The following MYO10 variants were observed in gnomAD, a reference collection of about 807,000 sequenced individuals.
MYO10 encodes myosin X.
A neutral mutation model predicts 257.3 loss-of-function variants in MYO10; 133 were observed. The ratio of observed to expected loss-of-function variants is 0.52; its 90% confidence interval spans 0.45 to 0.60. The LOEUF is 0.60. MYO10 is among the 20% of genes least tolerant of loss of function. The pLI, the probability that MYO10 is intolerant of heterozygous loss-of-function variation, is 0.00. For synonymous variants in MYO10, 1,104 were observed against 1,028.6 expected (o/e 1.07, Z -1.40); for missense variants, 2,399 against 2,635.7 (o/e 0.91, Z 1.97).
intron 22 of MYO10, among the ~76,000 whole-genome samples, chr5:16,704,106 A>G (rs866065439): frequency 5.1e-4 from 78 of 151,974 alleles, no homozygotes; most frequent in African/African-American, 1.8e-3. Context: ...GGATCCCATG[A>G]GCCCAGGAGT....
intron 1 of MYO10, among the ~76,000 whole-genome samples, chr5:16,888,570 GAAC>G (rs1315776582): frequency 6.6e-6 from 1 of 151,384 alleles, no homozygotes; most frequent in Non-Finnish European, 1.5e-5. Context: ...ACTCCAGCCT[GAAC>G]AACAAGAGCG....
At chr5:16,898,994 G>A (rs924023486) in intron 1 of MYO10, among the ~76,000 whole-genome samples, 1 of 145,070 alleles carries the variant, frequency 6.9e-6, no homozygotes, top group Non-Finnish European at 1.5e-5. Flanking sequence ...AATTAGCTGG[G>A]CATGGCGGTG....
chr5:16,793,237 A>G (rs1366742461), intron 4 of MYO10, among the ~76,000 whole-genome samples: 1 of 152,238 alleles, frequency 6.6e-6, no homozygotes, highest in Non-Finnish European at 1.5e-5. Flanking sequence ...CACAGGTCCA[A>G]TAGAAATAAT....
chr5:16,892,531 T>C (rs1745088142), intron 1 of MYO10, among the ~76,000 whole-genome samples: 1 of 152,128 alleles, frequency 6.6e-6, no homozygotes, highest in Non-Finnish European at 1.5e-5. Flanking sequence ...TAGTCCAAGC[T>C]ACTTGGAAGG....
At chr5:16,718,403 C>T (rs566171995) in intron 19 of MYO10, among the ~76,000 whole-genome samples, 1 of 152,380 alleles carries the variant, frequency 6.6e-6, no homozygotes, top group East Asian at 1.9e-4. Context: ...CTAGGTGAAG[C>T]CAGCTGGGCT....
At chr5:16,890,112 T>C (rs1201404514) in intron 1 of MYO10, among the ~76,000 whole-genome samples, 2 of 151,920 alleles carry the variant, frequency 1.3e-5, no homozygotes, top group Non-Finnish European at 2.9e-5. Context: ...GTTTCATACA[T>C]ATTAATTAAT....
chr5:16,699,159 G>A (rs1737907146), intron 26 of MYO10, among the ~76,000 whole-genome samples: 1 of 152,138 alleles, frequency 6.6e-6, no homozygotes, highest in Non-Finnish European at 1.5e-5. Flanking sequence ...ACTGGAGGCA[G>A]TGGTTGCAAA....
intron 2 of MYO10, among the ~76,000 whole-genome samples, chr5:16,826,518 C>T (rs1743005515): frequency 6.6e-6 from 1 of 152,138 alleles, no homozygotes; most frequent in African/African-American, 2.4e-5. Context: ...TCAGGGAGTG[C>T]GGCAGGAGGA....
At chr5:16,853,139 G>A (rs1296105311) in intron 2 of MYO10, among the ~76,000 whole-genome samples, 3 of 152,292 alleles carry the variant, frequency 2.0e-5, no homozygotes, top group Admixed American at 2.0e-4. Flanking sequence ...GGGAGGCTGA[G>A]GTGGGCGGAT....
At chr5:16,776,024 T>A (rs1741200519) in intron 9 of MYO10, among the ~76,000 whole-genome samples, 1 of 152,002 alleles carries the variant, frequency 6.6e-6, no homozygotes, top group African/African-American at 2.4e-5. Flanking sequence ...GCCTCCCAAG[T>A]AGCTGGGTTT....
At chr5:16,863,937 A>G (rs1744173655) in intron 2 of MYO10, among the ~76,000 whole-genome samples, 1 of 152,124 alleles carries the variant, frequency 6.6e-6, no homozygotes, top group Admixed American at 6.6e-5. Context: ...ATCACTACAA[A>G]ATATACAAAA....
intron 1 of MYO10, among the ~76,000 whole-genome samples, chr5:16,878,783 AG>A (rs1410200297): frequency 1.3e-5 from 2 of 152,178 alleles, no homozygotes; most frequent in Non-Finnish European, 2.9e-5. Context: ...CTAAGCTATG[AG>A]GATGCAAAGG....
At chr5:16,686,483 A>G (rs1185495186) in intron 28 of MYO10, among the ~76,000 whole-genome samples, 1 of 152,122 alleles carries the variant, frequency 6.6e-6, no homozygotes, top group Non-Finnish European at 1.5e-5. Flanking sequence ...CATTTTGGGT[A>G]AGGGATACTC....
intron 4 of MYO10, among the ~76,000 whole-genome samples, chr5:16,791,185 G>A (rs1296590843): frequency 1.3e-5 from 2 of 152,198 alleles, no homozygotes; most frequent in East Asian, 1.9e-4. Context: ...TCAAGCATGA[G>A]AATGTTTTTA....
intron 9 of MYO10, among the ~76,000 whole-genome samples, chr5:16,771,160 T>C (rs943405744): frequency 6.6e-6 from 1 of 152,296 alleles, no homozygotes; most frequent in East Asian, 1.9e-4. Context: ...CACTGACATA[T>C]ACATGAGCGA....
intron 25 of MYO10, chr5:16,699,784 CTCA>C: frequency 1.1e-5 from 1 of 90,330 alleles, no homozygotes; most frequent in Non-Finnish European, 1.8e-5. Context: ...AAGCCTCAGT[CTCA>C]AAAAAAAAAA....
intron 3 of MYO10, chr5:16,814,460 T>A (rs1335419361): frequency 6.6e-6 from 1 of 152,244 alleles, no homozygotes; most frequent in Non-Finnish European, 1.5e-5. Flanking sequence ...TTTGTTTTTT[T>A]AAGTTGGTAC....
At chr5:16,837,120 G>A (rs1047495653) in intron 2 of MYO10, among the ~76,000 whole-genome samples, 5 of 152,104 alleles carry the variant, frequency 3.3e-5, no homozygotes, top group Admixed American at 6.6e-5. Context: ...AGACCAGCCT[G>A]ACCAACATGG....
At chr5:16,915,498 CA>C (rs2126795644) in intron 1 of MYO10, among the ~76,000 whole-genome samples, 2 of 152,354 alleles carry the variant, frequency 1.3e-5, no homozygotes, top group South Asian at 4.1e-4. Flanking sequence ...CATCCCCCTC[CA>C]CAGCATCATG....
Sources: allele counts gnomAD v4.1 joint callset (sites outside exome capture counted in the v4.1 genomes callset), GRCh38; gene constraint gnomAD v4.1.1; transcripts MANE v1.5; gene names NCBI Gene and HGNC (gene_info 2026-07-23, HGNC 2026-07-21).